The following CSMD1 variants were observed in gnomAD, a reference collection of about 807,000 sequenced individuals.
The protein encoded by CSMD1 is CUB and Sushi multiple domains 1.
In CSMD1, 213 loss-of-function variants were observed where a neutral mutation model predicts 417.5. That is an observed-to-expected ratio of 0.51 (90% CI 0.46 to 0.57). The LOEUF (loss-of-function observed/expected upper bound fraction) is 0.57, where lower values mean the gene tolerates loss of function less well. CSMD1 is among the 20% of genes least tolerant of loss of function. The pLI is 0.00. For synonymous variants in CSMD1, 2,862 were observed against 1,736.8 expected, an observed-to-expected ratio of 1.65 and a Z score of -16.11; for missense variants, 6,923 against 4,529.7, an observed-to-expected ratio of 1.53 and a Z score of -15.17.
intron 3 of CSMD1, among the ~76,000 whole-genome samples, chr8:4,379,010 A>T (rs542201367): frequency 1.7e-4 from 26 of 152,350 alleles, no homozygotes; most frequent in African/African-American, 6.0e-4. Flanking sequence ...AGAAAGTAGC[A>T]AAGTATCTTC....
chr8:4,723,353 A>T (rs1359170280), intron 1 of CSMD1, among the ~76,000 whole-genome samples: 1 of 152,174 alleles, frequency 6.6e-6, no homozygotes, highest in Non-Finnish European at 1.5e-5. Context: ...TCTTTCAAGG[A>T]CCGAGGTTCG....
chr8:4,909,537 A>C (rs1457501182), intron 1 of CSMD1, among the ~76,000 whole-genome samples: 3 of 152,144 alleles, frequency 2.0e-5, no homozygotes, highest in African/African-American at 7.2e-5. Context: ...AGGATCTAGG[A>C]TACTTCACAA....
chr8:3,024,344 C>T (rs867649990), intron 51 of CSMD1, among the ~76,000 whole-genome samples: 3 of 151,014 alleles, frequency 2.0e-5, no homozygotes, highest in Non-Finnish European at 2.9e-5. Context: ...ATTGCTCTGT[C>T]GCCCAGGCTA....
chr8:4,899,292 T>C (rs568611444), intron 1 of CSMD1, among the ~76,000 whole-genome samples: 1 of 152,094 alleles, frequency 6.6e-6, no homozygotes, highest in Admixed American at 6.6e-5. Context: ...AAACATAACA[T>C]TATTGATAAC....
intron 3 of CSMD1, among the ~76,000 whole-genome samples, chr8:4,123,846 A>G (rs972407279): frequency 6.6e-6 from 1 of 152,224 alleles, no homozygotes; most frequent in Non-Finnish European, 1.5e-5. Flanking sequence ...GAATGAGAAC[A>G]CGGAACTTTC....
intron 3 of CSMD1, among the ~76,000 whole-genome samples, chr8:4,169,597 T>A (rs914105998): frequency 4.6e-5 from 7 of 152,112 alleles, no homozygotes; most frequent in African/African-American, 1.7e-4. Context: ...ATTAGAAGAA[T>A]CTTGTGAAAT....
At chr8:3,799,193 G>A (rs1800324908) in intron 5 of CSMD1, among the ~76,000 whole-genome samples, 1 of 151,794 alleles carries the variant, frequency 6.6e-6, no homozygotes, top group Admixed American at 6.6e-5. Context: ...AGAAAAAGAG[G>A]AATAGCACAT....
intron 1 of CSMD1, chr8:4,787,442 G>A (rs1012649901): frequency 6.5e-6 from 5 of 764,024 alleles, no homozygotes; most frequent in East Asian, 5.1e-5. Context: ...AGCAGGAAAT[G>A]TAGCTAGAAA....
intron 19 of CSMD1, among the ~76,000 whole-genome samples, chr8:3,367,468 G>C (rs944767159): frequency 5.9e-5 from 9 of 151,780 alleles, no homozygotes; most frequent in Non-Finnish European, 8.8e-5. Context: ...GGAGAGGAGA[G>C]AGAGAAAAAG....
chr8:4,268,365 A>G (rs1311366640), intron 3 of CSMD1, among the ~76,000 whole-genome samples: 1 of 152,176 alleles, frequency 6.6e-6, no homozygotes, highest in Non-Finnish European at 1.5e-5. Context: ...TTCCTCTTGG[A>G]TCAATACACT....
chr8:3,929,781 C>T (rs1298508554), intron 5 of CSMD1, among the ~76,000 whole-genome samples: 4 of 149,670 alleles, frequency 2.7e-5, no homozygotes, highest in Admixed American at 2.7e-4. Context: ...CCTGTCTCAG[C>T]CTCCTGAGTA....
chr8:3,551,461 C>A (rs925813106), intron 10 of CSMD1, among the ~76,000 whole-genome samples: 3 of 151,908 alleles, frequency 2.0e-5, no homozygotes, highest in Admixed American at 2.0e-4. Context: ...GAGAAAAGAA[C>A]ATATTTTACC....
chr8:3,619,208 C>G (rs575924607), intron 7 of CSMD1, among the ~76,000 whole-genome samples: 1 of 152,030 alleles, frequency 6.6e-6, no homozygotes, highest in Non-Finnish European at 1.5e-5. Flanking sequence ...AACAAAAATA[C>G]AGCAAAATGT....
At chr8:3,394,149 C>T (rs961554737) in intron 17 of CSMD1, among the ~76,000 whole-genome samples, 15 of 144,466 alleles carry the variant, frequency 1.0e-4, no homozygotes, top group African/African-American at 1.5e-4. Flanking sequence ...TACTTTTAAA[C>T]ACAGGATAAA....
chr8:4,594,659 T>G (rs1002463175), intron 2 of CSMD1, among the ~76,000 whole-genome samples: 2 of 152,192 alleles, frequency 1.3e-5, no homozygotes, highest in African/African-American at 4.8e-5. Context: ...AACCTACATT[T>G]TACTCTGCTG....
chr8:3,806,520 C>G (rs540597109), intron 5 of CSMD1, among the ~76,000 whole-genome samples: 2 of 152,134 alleles, frequency 1.3e-5, no homozygotes, highest in East Asian at 1.9e-4. Flanking sequence ...GTGCTCTGTG[C>G]TTTGAGGCAT....
In CSMD1 at chr8:4,403,757, T is replaced by C. The variant is rs540315424; in HGVS notation, c.415+16196A>G. Among the ~76,000 whole-genome samples, 12 of 152,276 alleles carry C rather than the reference T, an allele frequency of 7.9e-5. 1 individual carries two copies. The highest frequency in any genetic ancestry group is 7.9e-4 in the Admixed American group (12 of 15,286). ...ATGACCTCATCTTACTGCTAGCAAC[T>C]CCACTTACGTTTCCATCTTGATCCT... On this transcript the variant is annotated intron_variant, in intron 3 of 69. Transcript: ENST00000635120.
chr8:4,855,404 G>C (rs1164167566), intron 1 of CSMD1, among the ~76,000 whole-genome samples: 3 of 152,170 alleles, frequency 2.0e-5, no homozygotes, highest in Admixed American at 6.5e-5. Flanking sequence ...ACGGAACAAA[G>C]CTGGATGGAG....
intron 5 of CSMD1, among the ~76,000 whole-genome samples, chr8:3,886,030 CATATAT>C (rs745471742): frequency 6.6e-6 from 1 of 150,544 alleles, no homozygotes; most frequent in African/African-American, 2.4e-5. Flanking sequence ...TATATACATA[CATATAT>C]ATATATACAG....
Sources: gnomAD v4.1 joint callset for allele counts (sites outside exome capture counted in the v4.1 genomes callset) on GRCh38, gnomAD v4.1.1 for gene constraint, MANE v1.5 for transcripts, NCBI Gene and HGNC (gene_info 2026-07-23, HGNC 2026-07-21) for gene names.